Variants in MYO10 observed in about 807,000 individuals in gnomAD.
MYO10 encodes the protein myosin X.
MYO10 carries 133 observed loss-of-function variants against 257.3 expected under a neutral mutation model. That is an observed-to-expected ratio of 0.52 (90% confidence interval 0.45 to 0.60). The LOEUF is 0.60. MYO10 is among the 20% of genes least tolerant of loss of function. The pLI is 0.00. For missense variants in MYO10, 2,399 were observed against 2,635.7 expected, an observed-to-expected ratio of 0.91 and a Z score of 1.97; for synonymous variants, 1,104 against 1,028.6, an observed-to-expected ratio of 1.07 and a Z score of -1.40.
At chr5:16,885,389 C>T (rs1024000900) in intron 1 of MYO10, among the ~76,000 whole-genome samples, 4 of 152,150 alleles carry the variant, frequency 2.6e-5, no homozygotes, top group South Asian at 4.1e-4. Flanking sequence ...AGGTGCTCAT[C>T]GGCCGGGCAC....
rs143507062 is a variant in MYO10, at chr5:16,809,333, G to A, written c.279+8676C>T. Among the ~76,000 whole-genome samples the A allele has an allele frequency of 1.7e-3, 252 of 152,326 alleles. 3 individuals are homozygous for A. The Middle Eastern group carries it at 0.027, about 16-fold the overall frequency. On this transcript the variant is annotated intron_variant, in intron 3 of 40. Transcript: ENST00000513610. ...AGGCCACGCTGCCTCCGTGAGAGGC[G>A]CGCTGTGACTTGACTCGAGCCTTGG...
At chr5:16,900,975 G>A (rs1745361881) in intron 1 of MYO10, among the ~76,000 whole-genome samples, 1 of 152,022 alleles carries the variant, frequency 6.6e-6, no homozygotes, top group South Asian at 2.1e-4. Flanking sequence ...CCTGACCTGA[G>A]GTGATTCACC....
chr5:16,858,458 AT>A (rs1171714633), intron 2 of MYO10, among the ~76,000 whole-genome samples: 3 of 151,742 alleles, frequency 2.0e-5, no homozygotes, highest in Non-Finnish European at 4.4e-5. Flanking sequence ...AAAAAAAAAA[AT>A]CGAGGTTTAA....
rs1383066368 is a variant in MYO10, at chr5:16,670,561, A to G, written c.5848T>C (p.Trp1950Arg). Residue 1950 changes from tryptophan to arginine, a missense_variant, in exon 39 of 41, where the codon TGG becomes CGG. Around this residue, in one of 3 missense-constraint regions of MYO10, gnomAD observed 1,820 missense variants for 1,939.4 expected, o/e 0.94. Coordinates refer to ENST00000513610, the MANE Select transcript of MYO10 (RefSeq NM_012334.3). ...AACAGCGTCGAGCCATAGCCAGGCCACTCCTTGATCAAGGCCATGTACTTG... is the reference window on the plus strand; with the variant it reads ...AACAGCGTCGAGCCATAGCCAGGCCGCTCCTTGATCAAGGCCATGTACTTG... Reference protein sequence around the residue: ...MAKYMALIKEWPGYGSTLFDV... With the variant: ...MAKYMALIKERPGYGSTLFDV... 1.2e-6 allele frequency: 2 copies of G among 1,613,154 alleles called. No individual in the cohort carries two copies. The highest frequency in any genetic ancestry group is 1.7e-6 in the Non-Finnish European group (2 of 1,179,538).
intron 39 of MYO10, among the ~76,000 whole-genome samples, chr5:16,668,865 C>T (rs1194146216): frequency 6.6e-6 from 1 of 152,152 alleles, no homozygotes; most frequent in African/African-American, 2.4e-5. Flanking sequence ...TCCAGTTCTG[C>T]CTCCAATCCT....
chr5:16,775,234 T>C (rs1579977321), intron 9 of MYO10, among the ~76,000 whole-genome samples: 2 of 152,310 alleles, frequency 1.3e-5, no homozygotes, highest in African/African-American at 2.4e-5. Context: ...CATAGGTTCA[T>C]TGCCTCTGCC....
intron 1 of MYO10, among the ~76,000 whole-genome samples, chr5:16,908,574 T>A (rs1430408647): frequency 6.6e-6 from 1 of 152,060 alleles, no homozygotes; most frequent in Non-Finnish European, 1.5e-5. Context: ...AAAACAGAGG[T>A]ACAAAGTGGA....
chr5:16,682,801 AAT>A (rs945639401), intron 30 of MYO10, among the ~76,000 whole-genome samples: 23 of 152,046 alleles, frequency 1.5e-4, no homozygotes, highest in African/African-American at 5.3e-4. Context: ...AAAAATAAAA[AAT>A]AAAAAAAGCC....
intron 1 of MYO10, among the ~76,000 whole-genome samples, chr5:16,898,751 C>G (rs905270240): frequency 9.2e-5 from 14 of 151,906 alleles, no homozygotes; most frequent in Admixed American, 2.0e-4. Context: ...CCCTGCACAT[C>G]TCAACTTGGA....
intron 21 of MYO10, 28 bp downstream of exon 21, chr5:16,710,880 T>C: frequency 6.3e-7 from 1 of 1,579,340 alleles, no homozygotes. Context: ...AGGGATTCGG[T>C]GGGAGTTGCT....
intron 2 of MYO10, among the ~76,000 whole-genome samples, chr5:16,827,642 A>G (rs1249475539): frequency 1.3e-5 from 2 of 152,190 alleles, no homozygotes; most frequent in African/African-American, 2.4e-5. Flanking sequence ...ACTATGAAGT[A>G]TAGATAACAC....
At position 16,888,603 on chromosome 5, in the gene MYO10, A is replaced by G. The variant is rs193072315; in HGVS notation, c.22-10896T>C. On this transcript the variant is annotated intron_variant, in intron 1 of 40. Transcript: ENST00000513610. ...AGAGCGAGACTCCGTCTCAAAAGGA[A>G]AAAAAAAATAGCCAGAGATACTCCC... Among the ~76,000 whole-genome samples the G allele has an allele frequency of 2.2e-3, 330 of 150,994 alleles. 10 individuals carry two copies. Among genetic ancestry groups the G allele is most frequent in the African/African-American group, 7.4e-3 (303 of 40,962 alleles).
rs774076085 is a variant in MYO10 at position 16,818,398 on chromosome 5, GTGTGTGTGTGTGTA to G, written c.121-245_121-232del. Among the ~76,000 whole-genome samples the G allele has an allele frequency of 1.0e-3, 108 of 107,802 alleles. 1 individual carries two copies. The highest frequency in any genetic ancestry group is 1.8e-3 in the Non-Finnish European group (95 of 51,370). 70.7% of individuals were successfully genotyped at this position (107,802 alleles called of 152,430 possible). On this transcript the variant is annotated intron_variant, in intron 2 of 40. Coordinates refer to ENST00000513610, the MANE Select transcript of MYO10 (RefSeq NM_012334.3). Reference sequence around the variant, plus strand: ...TGTGTGTGCGTGTGTGTGTGTGTGTGTGTGTGTGTGTGTATATATATATATATACACATATCTTT... The same window carrying G: ...TGTGTGTGCGTGTGTGTGTGTGTGTGTATATATATATATACACATATCTTT...
At chr5:16,729,379 C>T (rs1310476266) in intron 19 of MYO10, among the ~76,000 whole-genome samples, 2 of 151,980 alleles carry the variant, frequency 1.3e-5, no homozygotes, top group Admixed American at 6.6e-5. Context: ...AATTGTACAA[C>T]GATAAAATCC....
At chr5:16,933,055 G>A (rs140599674) in intron 1 of MYO10, among the ~76,000 whole-genome samples, 7 of 152,224 alleles carry the variant, frequency 4.6e-5, no homozygotes, top group South Asian at 2.1e-4. Context: ...CACCGCACCC[G>A]GCCAAATCCT....
At chr5:16,762,249 G>C (rs980588428) in intron 15 of MYO10, 136 bp from the exon 16 acceptor site, 1 of 1,154,392 alleles carries the variant, frequency 8.7e-7, no homozygotes, top group Non-Finnish European at 1.2e-6. Flanking sequence ...CTGCGTTTCA[G>C]GACACGGCAT....
At chr5:16,908,746 G>C (rs1198039295) in intron 1 of MYO10, among the ~76,000 whole-genome samples, 1 of 152,152 alleles carries the variant, frequency 6.6e-6, no homozygotes, top group Admixed American at 6.5e-5. Flanking sequence ...TTGTTACAAT[G>C]CATTTTACAC....
intron 3 of MYO10, among the ~76,000 whole-genome samples, chr5:16,813,540 G>C (rs1052211117): frequency 3.4e-5 from 5 of 148,616 alleles, no homozygotes; most frequent in African/African-American, 1.2e-4. Flanking sequence ...GACAAAGTGA[G>C]ACCCTGGCTC....
At chr5:16,762,143 A>AAAT (rs370443366) in intron 15 of MYO10, 30 bp from the exon 16 acceptor site, 18,963 of 1,083,512 alleles carry the variant, frequency 0.018, 1,146 homozygotes, top group Middle Eastern at 0.023. Flanking sequence ...AAAAAAAAAA[A>AAAT]ATACAATGCC....
Sources: allele counts gnomAD v4.1 joint callset (sites outside exome capture counted in the v4.1 genomes callset), GRCh38; gene constraint gnomAD v4.1.1; regional missense constraint gnomAD v4.1.1; transcripts MANE v1.5; gene names NCBI Gene and HGNC (gene_info 2026-07-23, HGNC 2026-07-21).